The following NCEH1 variants were observed in gnomAD, a reference collection of about 807,000 sequenced individuals.
NCEH1 encodes the protein 2-acetyl MAGE hydrolase.
NCEH1 carries 9 observed loss-of-function variants against 25.4 expected under a neutral mutation model. The observed-to-expected ratio is 0.35, with a 90% confidence interval of 0.21 to 0.62. NCEH1 has a LOEUF of 0.62. Ranked by LOEUF, NCEH1 falls within the 20% of genes least tolerant of loss-of-function variation. The pLI is 0.72. For synonymous variants in NCEH1, 200 were observed against 199.8 expected, an observed-to-expected ratio of 1.00 and a Z score of -0.01; for missense variants, 412 against 501.1, an observed-to-expected ratio of 0.82 and a Z score of 1.70.
At chr3:172,683,677 C>CA (rs1429369221) in intron 1 of NCEH1, among the ~76,000 whole-genome samples, 1 of 151,724 alleles carries the variant, frequency 6.6e-6, no homozygotes, top group Admixed American at 6.6e-5. Context: ...GACCCTGTCT[C>CA]AAAAAACAAA....
At chr3:172,710,781 T>C in intron 1 of NCEH1, 66 bp downstream of exon 1, 1 of 1,569,034 alleles carries the variant, frequency 6.4e-7, no homozygotes, top group Non-Finnish European at 8.7e-7. Context: ...GGCGGAGGAA[T>C]TTTGTATCCC....
At chr3:172,686,704 G>C (rs563604130) in intron 1 of NCEH1, among the ~76,000 whole-genome samples, 15 of 152,328 alleles carry the variant, frequency 9.8e-5, no homozygotes, top group Admixed American at 3.9e-4. Flanking sequence ...AAAGTGGCGG[G>C]TGATCCTGGG....
Position 172,671,004 on chromosome 3 carries a change from G to A in NCEH1, c.139-22890C>T, listed in dbSNP as rs1246610628. 2.6e-5 allele frequency among the ~76,000 whole-genome samples: 4 copies of A among 152,236 alleles called. No homozygotes were observed. The East Asian group carries it at 7.7e-4, about 29-fold the overall frequency. Reference sequence around the variant, plus strand: ...TCCATTTTACTCAGAGTTTGATGATGAACTATGACTGGATATTGAAATAAT... The same window carrying A: ...TCCATTTTACTCAGAGTTTGATGATAAACTATGACTGGATATTGAAATAAT... On this transcript the variant is annotated intron_variant, in intron 1 of 4. Coordinates refer to ENST00000475381, the MANE Select transcript of NCEH1 (RefSeq NM_020792.6).
intron 1 of NCEH1, among the ~76,000 whole-genome samples, chr3:172,652,982 G>C (rs1027358262): frequency 2.0e-5 from 3 of 152,064 alleles, no homozygotes; most frequent in African/African-American, 7.2e-5. Flanking sequence ...TGGGATTACA[G>C]ATGTTAGCTA....
intron 1 of NCEH1, among the ~76,000 whole-genome samples, chr3:172,682,240 G>A (rs1453776282): frequency 6.6e-6 from 1 of 152,138 alleles, no homozygotes; most frequent in Non-Finnish European, 1.5e-5. Flanking sequence ...CTCCATCTTG[G>A]ATGCTCATCT....
chr3:172,675,638 G>A (rs1399158655), intron 1 of NCEH1, among the ~76,000 whole-genome samples: 2 of 152,168 alleles, frequency 1.3e-5, no homozygotes, highest in Non-Finnish European at 2.9e-5. Flanking sequence ...ATCCAATAAC[G>A]TATTTCTCTC....
chr3:172,641,267 T>C (rs1348046887), intron 3 of NCEH1, among the ~76,000 whole-genome samples: 2 of 152,168 alleles, frequency 1.3e-5, no homozygotes, highest in Admixed American at 6.5e-5. Context: ...CAAATACTTA[T>C]TGTGCAATTA....
At chr3:172,659,032 G>A (rs925504002) in intron 1 of NCEH1, among the ~76,000 whole-genome samples, 1 of 151,300 alleles carries the variant, frequency 6.6e-6, no homozygotes, top group Non-Finnish European at 1.5e-5. Flanking sequence ...CTCAGACCAC[G>A]GGGGGTCAGT....
chr3:172,654,354 T>C (rs552084698), intron 1 of NCEH1, among the ~76,000 whole-genome samples: 2 of 152,306 alleles, frequency 1.3e-5, no homozygotes, highest in Admixed American at 1.3e-4. Context: ...CTAAGGCACC[T>C]AGAACAGTGC....
intron 1 of NCEH1, among the ~76,000 whole-genome samples, chr3:172,653,771 T>TGTTTG (rs1560186697): frequency 1.5e-5 from 2 of 134,268 alleles, no homozygotes; most frequent in Admixed American, 1.5e-4. Flanking sequence ...TTTTTTTTTT[T>TGTTTG]TTTTGAGACA....
At chr3:172,645,198 A>C (rs564522192) in intron 3 of NCEH1, among the ~76,000 whole-genome samples, 1 of 152,192 alleles carries the variant, frequency 6.6e-6, no homozygotes, top group African/African-American at 2.4e-5. Context: ...CACACCATTA[A>C]AATTTGTTGA....
chr3:172,634,162 A>G (rs1716502843), intron 4 of NCEH1, 70 bp from the exon 5 acceptor site: 3 of 1,430,262 alleles, frequency 2.1e-6, no homozygotes, highest in East Asian at 4.6e-5. Flanking sequence ...TACCCTGTAG[A>G]GTAGCTTCAT....
chr3:172,664,632 C>T (rs577254235), intron 1 of NCEH1, among the ~76,000 whole-genome samples: 1 of 152,306 alleles, frequency 6.6e-6, no homozygotes, highest in South Asian at 2.1e-4. Flanking sequence ...CACATAGTCC[C>T]ATATTTCTTG....
chr3:172,653,855 C>G (rs1268677681), intron 1 of NCEH1, among the ~76,000 whole-genome samples: 6 of 149,996 alleles, frequency 4.0e-5, no homozygotes, highest in African/African-American at 1.5e-4. Context: ...CTCCCTGGTT[C>G]AAGCGATTTT....
intron 1 of NCEH1, among the ~76,000 whole-genome samples, chr3:172,672,945 G>A (rs1020259728): frequency 2.6e-5 from 4 of 152,206 alleles, no homozygotes; most frequent in Non-Finnish European, 5.9e-5. Context: ...CAGTCTCACA[G>A]ATGGTCCCAC....
At chr3:172,674,439 T>C (rs1412828974) in intron 1 of NCEH1, among the ~76,000 whole-genome samples, 1 of 117,756 alleles carries the variant, frequency 8.5e-6, no homozygotes, top group Non-Finnish European at 1.6e-5. Context: ...AGAGACTCTG[T>C]CTCCAAAAAA....
intron 1 of NCEH1, among the ~76,000 whole-genome samples, chr3:172,657,360 A>G (rs954921798): frequency 2.0e-5 from 3 of 152,156 alleles, no homozygotes; most frequent in African/African-American, 7.2e-5. Flanking sequence ...CCCCTAGAGC[A>G]ATTAACGACA....
At position 172,634,040 on chromosome 3, in the gene NCEH1, T is replaced by A. The variant is rs1716497065; in HGVS notation, c.662A>T (p.Tyr221Phe). 6.2e-7 allele frequency: 1 copy of A among 1,614,198 alleles called. No individual in the cohort carries two copies. The highest frequency in any genetic ancestry group is 1.1e-5 in the South Asian group (1 of 91,078). Reference protein sequence around the residue: ...KNKLKLQALIYPVLQALDFNT... With the variant: ...KNKLKLQALIFPVLQALDFNT... ...AAAATCTAAAGCTTGAAGAACTGGA[T>A]AAATTAAAGCTTGTAGTTTGAGCTT... Residue 221 changes from tyrosine (Y) to phenylalanine (F), a missense_variant, in exon 5 of 5, where the codon TAT becomes TTT. Around this residue, in one of 3 missense-constraint regions of NCEH1, gnomAD observed 210 missense variants for 258.2 expected, o/e 0.81. Transcript: ENST00000475381.
At chr3:172,707,223 C>G (rs538665277) in intron 1 of NCEH1, among the ~76,000 whole-genome samples, 1 of 148,488 alleles carries the variant, frequency 6.7e-6, no homozygotes, top group South Asian at 2.2e-4. Flanking sequence ...AGGACTTCCC[C>G]AAACTCTCTT....
Sources: allele counts gnomAD v4.1 joint callset (sites outside exome capture counted in the v4.1 genomes callset), GRCh38; gene constraint gnomAD v4.1.1; regional missense constraint gnomAD v4.1.1; transcripts MANE v1.5; gene names NCBI Gene and HGNC (gene_info 2026-07-23, HGNC 2026-07-21).